CSRP1: variants seen among roughly 807,000 people sequenced by gnomAD.
The protein encoded by CSRP1 is cysteine and glycine-rich protein 1.
Under a neutral mutation model 25.4 loss-of-function variants are expected in CSRP1, and 16 were observed. That is an observed-to-expected ratio of 0.63 (90% CI 0.43 to 0.96). The LOEUF (loss-of-function observed/expected upper bound fraction) is 0.96. CSRP1 is among the 40% of genes least tolerant of loss of function. CSRP1 has a pLI of 0.00. For synonymous variants in CSRP1, 97 were observed against 95.3 expected, an observed-to-expected ratio of 1.02 and a Z score of -0.10; for missense variants, 212 against 243.6, an observed-to-expected ratio of 0.87 and a Z score of 0.86.
chr1:201,496,258 T>C lies in CSRP1; in HGVS notation c.46A>G (p.Thr16Ala), dbSNP rs1384955947. The change falls in exon 2 of 6, where the codon ACG (threonine) becomes GCG (alanine). Residue 16 changes from threonine to alanine, a missense_variant. Transcript: ENST00000340006. ...GGKKCGVCQKTVYFAEEVQCE... is the reference protein window; with the variant it reads ...GGKKCGVCQKAVYFAEEVQCE... The stretch of plus-strand genomic sequence containing the variant: ...TGAACCTCTTCGGCAAAGTAAACCG[T>C]CTTCTGACACACCCCACATTTCTTG... 1 of 1,614,166 alleles carries C rather than the reference T, an allele frequency of 6.2e-7. No homozygotes were observed. The highest frequency in any genetic ancestry group is 8.5e-7 in the Non-Finnish European group (1 of 1,180,048).
intron 2 of CSRP1, among the ~76,000 whole-genome samples, chr1:201,495,250 A>T (rs116092207): frequency 0.016 from 2,386 of 152,294 alleles, 40 homozygotes; most frequent in Non-Finnish European, 0.028. Flanking sequence ...TTTTTTAAAA[A>T]TTGGCAGAGC....
intron 1 of CSRP1, among the ~76,000 whole-genome samples, chr1:201,503,405 C>T (rs1468738409): frequency 1.3e-5 from 2 of 152,152 alleles, no homozygotes; most frequent in Non-Finnish European, 1.5e-5. Flanking sequence ...AAACACAGGT[C>T]GTTTGCAGCT....
intron 2 of CSRP1, chr1:201,492,953 G>A (rs1482864931): frequency 6.6e-6 from 1 of 152,262 alleles, no homozygotes; most frequent in Admixed American, 6.5e-5. Flanking sequence ...TGGATTCTAG[G>A]GAACAGCCCA....
intron 5 of CSRP1, 144 bp from the exon 6 acceptor site, chr1:201,484,933 A>G: frequency 5.7e-6 from 4 of 699,294 alleles, no homozygotes; most frequent in African/African-American, 1.8e-5. Flanking sequence ...TCACCTCCAC[A>G]GCACCCCAAT....
chr1:201,501,991 C>T (rs1664684218), intron 1 of CSRP1, among the ~76,000 whole-genome samples: 1 of 93,566 alleles, frequency 1.1e-5, no homozygotes, highest in Non-Finnish European at 2.1e-5. Context: ...TACTCAGTCT[C>T]AAAATAAATA....
intron 2 of CSRP1, among the ~76,000 whole-genome samples, chr1:201,493,562 A>T (rs12077954): frequency 2.8e-4 from 43 of 152,180 alleles, no homozygotes; most frequent in African/African-American, 1.0e-3. Context: ...CTGTGAGTCC[A>T]TTAAACCTCT....
chr1:201,494,189 A>G (rs772022378), intron 2 of CSRP1, among the ~76,000 whole-genome samples: 7 of 151,040 alleles, frequency 4.6e-5, no homozygotes, highest in Non-Finnish European at 8.8e-5. Flanking sequence ...CTTCCTTCCT[A>G]TGCCACCCCC....
intron 1 of CSRP1, among the ~76,000 whole-genome samples, chr1:201,500,221 C>A (rs1178538437): frequency 6.6e-6 from 1 of 152,206 alleles, no homozygotes; most frequent in Non-Finnish European, 1.5e-5. Context: ...GGGACATACT[C>A]AGGCCCCTAG....
intron 2 of CSRP1, chr1:201,491,494 C>T (rs1038806800): frequency 3.9e-5 from 6 of 152,088 alleles, no homozygotes; most frequent in African/African-American, 1.4e-4. Flanking sequence ...CAAATGAGAT[C>T]TGACATGTGA....
chr1:201,491,435 TTTGTAA>T (rs1259386965), intron 2 of CSRP1: 1 of 152,222 alleles, frequency 6.6e-6, no homozygotes, highest in Non-Finnish European at 1.5e-5. Flanking sequence ...TGTGTCCTCA[TTTGTAA>T]ATGAACATAA....
intron 2 of CSRP1, among the ~76,000 whole-genome samples, chr1:201,495,358 GT>G (rs1664478562): frequency 6.6e-6 from 1 of 152,198 alleles, no homozygotes; most frequent in South Asian, 2.1e-4. Flanking sequence ...TCCAGCCTGG[GT>G]GACAGAGTGA....
At chr1:201,490,504 A>G (rs983299088) in intron 2 of CSRP1, 160 bp from the exon 3 acceptor site, 1 of 657,306 alleles carries the variant, frequency 1.5e-6, no homozygotes, top group Admixed American at 2.8e-5. Context: ...GGGATGGCCA[A>G]TGGGTGGGAG....
chr1:201,495,634 C>CA (rs113773454), intron 2 of CSRP1: 2,026 of 152,408 alleles, frequency 0.013, 24 homozygotes, highest in Middle Eastern at 0.037. Context: ...ATGACTGGAG[C>CA]AAACCTTGCT....
intron 3 of CSRP1, 154 bp from the exon 4 acceptor site, chr1:201,489,138 C>T (rs560580048): frequency 3.5e-6 from 3 of 863,332 alleles, no homozygotes; most frequent in Non-Finnish European, 5.2e-6. Context: ...AGGGTCATCT[C>T]CCATTTTACA....
In CSRP1 at chr1:201,484,539, G is replaced by A. The variant is rs1350932868; in HGVS notation, c.*174C>T. Reference sequence around the variant, plus strand: ...CAGGCCTGGGGAGCCCTTTAGTGGGGTGGGACCTCAGGCAGACCCCCAAAC... The same window carrying A: ...CAGGCCTGGGGAGCCCTTTAGTGGGATGGGACCTCAGGCAGACCCCCAAAC... On this transcript the variant is annotated 3_prime_UTR_variant, in exon 6 of 6. Transcript: ENST00000340006. 8 of 640,502 alleles carry A rather than the reference G, an allele frequency of 1.2e-5. No individual in the cohort carries two copies. In the East Asian group the frequency reaches 1.9e-4, roughly 15 times the overall value. The allele number at this position is 640,502 out of a possible 1,614,324, so 39.7% of individuals were successfully genotyped here. A position where few individuals can be genotyped will look rare whatever the true frequency, so the allele number is the denominator to read the frequency against.
rs1345575621 is a variant in CSRP1, at chr1:201,488,921, G to A, written c.345C>T (p.Gly115=). 1.9e-6 allele frequency: 3 copies of A among 1,614,166 alleles called. No homozygotes were observed. The highest frequency in any genetic ancestry group is 2.5e-6 in the Non-Finnish European group (3 of 1,180,030). Residue 115 remains glycine (G), a synonymous_variant, in exon 4 of 6, where the codon GGC becomes GGT. Transcript: ENST00000340006. The part of the protein sequence containing the change: ...NASKFAQKIG[G]SERCPRCSQA... Reference sequence around the variant, plus strand: ...GGCTGCATCGGGGGCAGCGCTCGGAGCCACCAATCTTCTGGGCAAATTTGG... The same window carrying A: ...GGCTGCATCGGGGGCAGCGCTCGGAACCACCAATCTTCTGGGCAAATTTGG...
chr1:201,496,803 G>C (rs1309742546), intron 1 of CSRP1, among the ~76,000 whole-genome samples: 1 of 152,190 alleles, frequency 6.6e-6, no homozygotes, highest in Non-Finnish European at 1.5e-5. Context: ...AGAAAAGCAA[G>C]GGAATGATGA....
intron 4 of CSRP1, chr1:201,486,873 G>A (rs1335548735): frequency 2.5e-6 from 3 of 1,220,390 alleles, no homozygotes; most frequent in African/African-American, 3.2e-5. Flanking sequence ...AATGGAAATA[G>A]TGATTCTTAG....
chr1:201,503,264 C>T (rs1664718834), intron 1 of CSRP1, among the ~76,000 whole-genome samples: 1 of 152,230 alleles, frequency 6.6e-6, no homozygotes, highest in Non-Finnish European at 1.5e-5. Context: ...GACAAATTAA[C>T]AGATGGGGTT....
Sources: gnomAD v4.1 joint callset for allele counts (sites outside exome capture counted in the v4.1 genomes callset) on GRCh38, gnomAD v4.1.1 for gene constraint, MANE v1.5 for transcripts, NCBI Gene and HGNC (gene_info 2026-07-23, HGNC 2026-07-21) for gene names.